Variants in EFCAB5 observed in about 807,000 individuals in gnomAD.
EFCAB5 encodes EF-hand calcium-binding domain-containing protein 5.
Under a neutral mutation model 167.9 loss-of-function variants are expected in EFCAB5, and 131 were observed. The observed-to-expected ratio is 0.78, with a 90% confidence interval of 0.68 to 0.90. EFCAB5 has a LOEUF of 0.90. Among genes scored for constraint, EFCAB5 ranks in the 40% least tolerant of loss-of-function variants. The probability of loss-of-function intolerance (pLI) is 0.00; values close to 1 mark genes in which losing one functional copy is unlikely to be tolerated. For synonymous variants in EFCAB5, 574 were observed against 602.8 expected (o/e 0.95, Z 0.70); for missense variants, 1,663 against 1,745.2 (o/e 0.95, Z 0.84).
chr17:29,983,413 C>T (rs181540341), intron 4 of EFCAB5, among the ~76,000 whole-genome samples: 4 of 152,160 alleles, frequency 2.6e-5, no homozygotes, highest in African/African-American at 9.7e-5. Context: ...GCCCATTGGC[C>T]AAAGCATGTC....
intron 12 of EFCAB5, among the ~76,000 whole-genome samples, chr17:30,056,483 T>C (rs532620980): frequency 1.2e-4 from 18 of 152,332 alleles, no homozygotes; most frequent in African/African-American, 4.3e-4. Flanking sequence ...AGACATTAGA[T>C]ACTAAAACTC....
At chr17:30,075,744 C>A (rs1303239684) in intron 14 of EFCAB5, among the ~76,000 whole-genome samples, 1 of 152,208 alleles carries the variant, frequency 6.6e-6, no homozygotes, top group African/African-American at 2.4e-5. Flanking sequence ...CTCTGACAAC[C>A]CATGCCCAGC....
chr17:30,067,151 C>T (rs760712966), intron 14 of EFCAB5, among the ~76,000 whole-genome samples: 8 of 152,202 alleles, frequency 5.3e-5, no homozygotes, highest in Non-Finnish European at 1.2e-4. Context: ...TTCTTCCAAA[C>T]TCATTCTATG....
At chr17:29,976,762 T>C (rs1234571192) in intron 4 of EFCAB5, among the ~76,000 whole-genome samples, 6 of 152,188 alleles carry the variant, frequency 3.9e-5, no homozygotes, top group Non-Finnish European at 1.5e-5. Flanking sequence ...TGGTAATGTT[T>C]AAGTGTTCAT....
chr17:30,019,925 G>C (rs904413283), intron 7 of EFCAB5, among the ~76,000 whole-genome samples: 1 of 152,008 alleles, frequency 6.6e-6, no homozygotes, highest in Non-Finnish European at 1.5e-5. Flanking sequence ...TGTACAACGG[G>C]ATGTTTATAT....
chr17:30,085,016 A>G (rs2071060490), intron 18 of EFCAB5, among the ~76,000 whole-genome samples: 1 of 151,790 alleles, frequency 6.6e-6, no homozygotes, highest in Non-Finnish European at 1.5e-5. Context: ...TCTTCAGGCT[A>G]AGAGTGGTAA....
chr17:30,036,265 T>A (rs575008960), intron 8 of EFCAB5, among the ~76,000 whole-genome samples: 125 of 117,374 alleles, frequency 1.1e-3, no homozygotes, highest in Non-Finnish European at 1.0e-3. Context: ...TATACATATA[T>A]AATATATAAT....
At chr17:29,965,300 G>A (rs879839849) in intron 3 of EFCAB5, among the ~76,000 whole-genome samples, 8 of 151,960 alleles carry the variant, frequency 5.3e-5, no homozygotes, top group Admixed American at 4.6e-4. Flanking sequence ...AGTCATGTAA[G>A]AATGAGTTGT....
chr17:30,075,059 T>C (rs979995724), intron 14 of EFCAB5, among the ~76,000 whole-genome samples: 5 of 152,196 alleles, frequency 3.3e-5, no homozygotes, highest in Middle Eastern at 3.2e-3. Flanking sequence ...CCAAGTCTAA[T>C]CCAACACAAC....
intron 12 of EFCAB5, among the ~76,000 whole-genome samples, chr17:30,056,532 C>A (rs2070273473): frequency 6.6e-6 from 1 of 152,152 alleles, no homozygotes; most frequent in African/African-American, 2.4e-5. Flanking sequence ...CCTGGTAGGG[C>A]CACATCTAAA....
chr17:29,948,099 T>C (rs1209828662), intron 3 of EFCAB5, among the ~76,000 whole-genome samples: 4 of 152,226 alleles, frequency 2.6e-5, no homozygotes, highest in Non-Finnish European at 4.4e-5. Context: ...GTGCTGGGAT[T>C]ACAGGCTTGA....
At chr17:30,051,342 A>G in intron 9 of EFCAB5, 125 bp downstream of exon 9, 1 of 719,892 alleles carries the variant, frequency 1.4e-6, no homozygotes, top group South Asian at 2.2e-5. Context: ...TTCACATAAT[A>G]GCTCTCTTAG....
Position 30,092,928 on chromosome 17 carries a change from A to G in EFCAB5, c.4313A>G (p.Tyr1438Cys), listed in dbSNP as rs1239794417. 3.7e-6 allele frequency: 6 copies of G among 1,601,452 alleles called. No individual in the cohort carries two copies. The highest frequency in any genetic ancestry group is 4.3e-6 in the Non-Finnish European group (5 of 1,174,236). ...GTTAATGTACAGCTTATTGATGAAT[A>G]TATCAGAGGTAAATTTCCACTTAAT... The part of the protein sequence containing the change: ...VEVNVQLIDE[Y>C]IRDHSRTEVW... Residue 1438 changes from tyrosine (Y) to cysteine (C), a missense_variant, in exon 22 of 23, where the codon TAT becomes TGT. Coordinates refer to ENST00000394835, the MANE Select transcript of EFCAB5 (RefSeq NM_198529.4).
chr17:30,069,657 C>T (rs1052779380), intron 14 of EFCAB5: 18 of 1,550,790 alleles, frequency 1.2e-5, no homozygotes, highest in South Asian at 1.0e-4. Context: ...GGGCCCAGCA[C>T]GAGAGTCTGC....
At chr17:30,002,094 G>C (rs1056794662) in intron 7 of EFCAB5, among the ~76,000 whole-genome samples, 1 of 151,880 alleles carries the variant, frequency 6.6e-6, no homozygotes, top group African/African-American at 2.4e-5. Flanking sequence ...ATAGATTTTT[G>C]GTTATGCCTA....
chr17:30,080,357 A>G, intron 16 of EFCAB5, 116 bp downstream of exon 16: 1 of 1,127,380 alleles, frequency 8.9e-7, no homozygotes, highest in South Asian at 1.9e-5. Flanking sequence ...TCAAGTCACC[A>G]GTGCTTCTGG....
intron 1 of EFCAB5, among the ~76,000 whole-genome samples, chr17:29,934,729 T>A (rs1056389602): frequency 1.3e-5 from 2 of 152,150 alleles, no homozygotes; most frequent in Admixed American, 6.6e-5. Context: ...TGGCTTTGCT[T>A]GGCAAGAACT....
At chr17:29,984,076 C>A (rs2068231606) in intron 4 of EFCAB5, among the ~76,000 whole-genome samples, 1 of 151,678 alleles carries the variant, frequency 6.6e-6, no homozygotes, top group Non-Finnish European at 1.5e-5. Flanking sequence ...ATGGCAGAAT[C>A]CATAGTAGGT....
chr17:29,980,824 A>G (rs963453283), intron 4 of EFCAB5, among the ~76,000 whole-genome samples: 5 of 152,162 alleles, frequency 3.3e-5, no homozygotes, highest in African/African-American at 1.2e-4. Flanking sequence ...TATTTATTCA[A>G]TATCTGTACT....
Sources: gnomAD v4.1 joint callset for allele counts (sites outside exome capture counted in the v4.1 genomes callset) on GRCh38, gnomAD v4.1.1 for gene constraint, MANE v1.5 for transcripts, NCBI Gene and HGNC (gene_info 2026-07-23, HGNC 2026-07-21) for gene names.